The following SERGEF variants were observed in gnomAD, a reference collection of about 807,000 sequenced individuals.
SERGEF encodes the protein secretion regulating guanine nucleotide exchange factor, also known as secretion-regulating guanine nucleotide exchange factor.
SERGEF carries 51 observed loss-of-function variants against 50.0 expected under a neutral mutation model. That is an observed-to-expected ratio of 1.02 (90% CI 0.81 to 1.29). SERGEF has a LOEUF of 1.29. Ranked by LOEUF, SERGEF falls within the 50% of genes most tolerant of loss-of-function variation. SERGEF has a pLI of 0.00. For missense variants in SERGEF, 521 were observed against 557.0 expected (o/e 0.94, Z 0.65); for synonymous variants, 205 against 212.4 (o/e 0.97, Z 0.30).
chr11:17,945,649 T>A (rs774058296), intron 9 of SERGEF, among the ~76,000 whole-genome samples: 8 of 152,108 alleles, frequency 5.3e-5, no homozygotes, highest in Non-Finnish European at 1.0e-4. Flanking sequence ...GTTGTGGAAC[T>A]AATACACAGC....
chr11:17,925,085 T>C (rs193041730), intron 9 of SERGEF, among the ~76,000 whole-genome samples: 2 of 152,324 alleles, frequency 1.3e-5, no homozygotes, highest in East Asian at 3.9e-4. Context: ...TTAAGCCATT[T>C]ACAGGAACCC....
At position 17,995,869 on chromosome 11, in the gene SERGEF, T is replaced by G. The variant is rs1853827308; in HGVS notation, c.549A>C (p.Ser183=). The change falls in exon 6 of 11, where the codon TCA becomes TCC. Residue 183 remains serine, a synonymous_variant. Coordinates refer to ENST00000265965, the MANE Select transcript of SERGEF (RefSeq NM_012139.4). ...IVFQWGTGLA[S]CGRRLCPGQT... ...GCCCAGGGCACAACCGTCGTCCACA[T>G]GATGCCAAACCAGTCCCCCACTGGA... 1 of 1,613,918 alleles carries G rather than the reference T, an allele frequency of 6.2e-7. No individual in the cohort carries two copies. The highest frequency in any genetic ancestry group is 1.7e-5 in the Admixed American group (1 of 59,996).
At chr11:17,992,166 G>A (rs1453186175) in intron 7 of SERGEF, among the ~76,000 whole-genome samples, 2 of 152,082 alleles carry the variant, frequency 1.3e-5, no homozygotes, top group Non-Finnish European at 2.9e-5. Flanking sequence ...TAAAAAAACA[G>A]TTAAGACAGA....
At chr11:17,878,690 G>C (rs1590172543) in intron 9 of SERGEF, among the ~76,000 whole-genome samples, 2 of 152,240 alleles carry the variant, frequency 1.3e-5, no homozygotes, top group Admixed American at 1.3e-4. Flanking sequence ...CTGGTCTGTG[G>C]AGAAATGTTT....
chr11:17,985,719 TCAGA>T (rs773025503), intron 8 of SERGEF, among the ~76,000 whole-genome samples: 8 of 152,178 alleles, frequency 5.3e-5, no homozygotes, highest in Non-Finnish European at 1.2e-4. Context: ...CAGGCAGGCA[TCAGA>T]CAGACTCCTG....
At chr11:17,852,092 T>A (rs745935356) in intron 10 of SERGEF, among the ~76,000 whole-genome samples, 1 of 152,218 alleles carries the variant, frequency 6.6e-6, no homozygotes, top group African/African-American at 2.4e-5. Context: ...GAGAGTCTAA[T>A]GAGTGTGTGG....
chr11:17,998,416 T>G (rs1223670813), intron 5 of SERGEF, among the ~76,000 whole-genome samples: 1 of 118,194 alleles, frequency 8.5e-6, no homozygotes, highest in Non-Finnish European at 1.7e-5. Context: ...GACCCTATCT[T>G]AAAAATACAT....
At chr11:17,932,980 T>C (rs1852383632) in intron 9 of SERGEF, among the ~76,000 whole-genome samples, 1 of 152,204 alleles carries the variant, frequency 6.6e-6, no homozygotes, top group South Asian at 2.1e-4. Context: ...CCAACTAAGT[T>C]TTAAAATAAT....
At chr11:17,839,554 G>A (rs1850463249) in intron 10 of SERGEF, among the ~76,000 whole-genome samples, 1 of 152,148 alleles carries the variant, frequency 6.6e-6, no homozygotes, top group Admixed American at 6.5e-5. Context: ...GCTGGTGTCA[G>A]TCCTCAGGCA....
chr11:17,928,497 T>C (rs1180842038), intron 9 of SERGEF, among the ~76,000 whole-genome samples: 1 of 152,180 alleles, frequency 6.6e-6, no homozygotes, highest in East Asian at 1.9e-4. Context: ...TGACTTCTTA[T>C]CTGTCTCTCC....
intron 3 of SERGEF, among the ~76,000 whole-genome samples, chr11:18,005,889 CA>C (rs1265635024): frequency 2.0e-5 from 3 of 152,208 alleles, no homozygotes; most frequent in African/African-American, 7.2e-5. Context: ...ACTGCTTTGG[CA>C]ACCACTATTG....
chr11:17,975,735 C>T (rs1204413871), intron 8 of SERGEF, among the ~76,000 whole-genome samples: 1 of 152,204 alleles, frequency 6.6e-6, no homozygotes, highest in Non-Finnish European at 1.5e-5. Context: ...CACCTCCACT[C>T]CTCACAGAAA....
At chr11:17,993,808 A>G (rs211128) in intron 6 of SERGEF, among the ~76,000 whole-genome samples, 79,334 of 151,874 alleles carry the variant, frequency 0.52, 21,980 homozygotes, top group African/African-American at 0.72. Flanking sequence ...GTGAGGAGGG[A>G]ACAGCCCGGG....
chr11:18,003,216 C>T (rs1342308928), intron 4 of SERGEF, among the ~76,000 whole-genome samples: 2 of 152,138 alleles, frequency 1.3e-5, no homozygotes, highest in Admixed American at 6.5e-5. Flanking sequence ...GAAATTAGAT[C>T]GGAGTGGGAC....
chr11:17,847,917 A>G (rs1286067634), intron 10 of SERGEF, among the ~76,000 whole-genome samples: 16 of 151,646 alleles, frequency 1.1e-4, no homozygotes, highest in Admixed American at 1.1e-3. Flanking sequence ...AAGTTTGAGA[A>G]CCTCTGAACT....
At chr11:17,804,144 G>A (rs2133828659) in intron 10 of SERGEF, among the ~76,000 whole-genome samples, 1 of 152,268 alleles carries the variant, frequency 6.6e-6, no homozygotes, top group Admixed American at 6.5e-5. Context: ...TTCAAACAGT[G>A]GCCCGATGAC....
chr11:17,866,294 CT>C, intron 10 of SERGEF, among the ~76,000 whole-genome samples: 1 of 152,222 alleles, frequency 6.6e-6, no homozygotes, highest in Non-Finnish European at 1.5e-5. Flanking sequence ...AGCCAAAGAA[CT>C]CCATAAATAG....
At chr11:17,858,900 G>GAGAAGC (rs1417902860) in intron 10 of SERGEF, among the ~76,000 whole-genome samples, 21 of 152,248 alleles carry the variant, frequency 1.4e-4, no homozygotes, top group African/African-American at 5.1e-4. Flanking sequence ...CTGATAGAGG[G>GAGAAGC]ATGCAGCCAT....
intron 8 of SERGEF, among the ~76,000 whole-genome samples, chr11:17,976,184 A>G (rs1189172492): frequency 6.6e-6 from 1 of 151,982 alleles, no homozygotes; most frequent in Admixed American, 6.6e-5. Flanking sequence ...GTAAAAAGTC[A>G]CTCTCTGATT....
Sources: allele counts gnomAD v4.1 joint callset (sites outside exome capture counted in the v4.1 genomes callset), GRCh38; gene constraint gnomAD v4.1.1; transcripts MANE v1.5; gene names NCBI Gene and HGNC (gene_info 2026-07-23, HGNC 2026-07-21).